DGKI: variants seen among roughly 807,000 people sequenced by gnomAD.
DGKI encodes the protein diacylglycerol kinase iota.
In DGKI, 55 loss-of-function variants were observed where a neutral mutation model predicts 147.5. The observed-to-expected ratio is 0.37, with a 90% CI of 0.30 to 0.47. The LOEUF (loss-of-function observed/expected upper bound fraction) is 0.47, where lower values mean the gene tolerates loss of function less well. Ranked by LOEUF, DGKI falls within the 20% of genes least tolerant of loss-of-function variation. DGKI has a pLI of 1.00. For missense variants in DGKI, 1,007 were observed against 1,323.8 expected (o/e 0.76, Z 3.71); for synonymous variants, 469 against 477.1 (o/e 0.98, Z 0.22).
At chr7:137,763,096 T>C (rs1439332086) in intron 1 of DGKI, among the ~76,000 whole-genome samples, 1 of 152,198 alleles carries the variant, frequency 6.6e-6, no homozygotes. Flanking sequence ...AGAGTCCACA[T>C]GAGAATTCTC....
At chr7:137,500,942 T>C (rs1816149011) in intron 21 of DGKI, among the ~76,000 whole-genome samples, 1 of 152,152 alleles carries the variant, frequency 6.6e-6, no homozygotes, top group Admixed American at 6.6e-5. Context: ...CTATCACCTG[T>C]GCTATAGAAC....
intron 21 of DGKI, among the ~76,000 whole-genome samples, chr7:137,505,304 T>C (rs1224534897): frequency 1.3e-5 from 2 of 152,266 alleles, no homozygotes; most frequent in East Asian, 3.9e-4. Flanking sequence ...TCCTACCTCT[T>C]GGAGAGAACG....
At chr7:137,763,779 T>G (rs1795928689) in intron 1 of DGKI, among the ~76,000 whole-genome samples, 1 of 152,252 alleles carries the variant, frequency 6.6e-6, no homozygotes, top group South Asian at 2.1e-4. Context: ...TCCTTACACC[T>G]TCCTCATCCA....
intron 1 of DGKI, among the ~76,000 whole-genome samples, chr7:137,785,601 G>C (rs1796646229): frequency 6.6e-6 from 1 of 151,882 alleles, no homozygotes; most frequent in Admixed American, 6.6e-5. Context: ...AGACAAAGAA[G>C]GAATCCTCCC....
At chr7:137,582,778 G>T (rs1563096999) in intron 14 of DGKI, among the ~76,000 whole-genome samples, 1 of 152,130 alleles carries the variant, frequency 6.6e-6, no homozygotes, top group East Asian at 1.9e-4. Context: ...TTAAGCTTCA[G>T]TTAAATGTTA....
intron 21 of DGKI, among the ~76,000 whole-genome samples, chr7:137,506,019 A>G (rs1171378684): frequency 2.0e-5 from 3 of 152,144 alleles, no homozygotes; most frequent in Admixed American, 6.6e-5. Flanking sequence ...GAAATAGAAA[A>G]CAGCACAGCC....
chr7:137,611,855 A>G lies in DGKI; in HGVS notation c.994-2246T>C, dbSNP rs1820375328. 2.0e-5 allele frequency among the ~76,000 whole-genome samples: 3 copies of G among 152,182 alleles called. No individual in the cohort carries two copies. In the South Asian group the frequency reaches 6.2e-4, roughly 32 times the overall value. On this transcript the variant is annotated intron_variant, in intron 8 of 32. Coordinates refer to ENST00000614521, the MANE Select transcript of DGKI (RefSeq NM_001321708.2). ...TTCCTATAATTCACAGCATTTACTG[A>G]GCCTCTCCTGATTTGGGAAAGGATC... is the stretch of plus-strand genomic sequence containing the variant.
chr7:137,639,989 T>C (rs1054687175), intron 6 of DGKI, among the ~76,000 whole-genome samples: 21 of 151,734 alleles, frequency 1.4e-4, no homozygotes, highest in Admixed American at 1.1e-3. Flanking sequence ...TTTCCTGCCC[T>C]GTTTATTTAT....
Position 137,723,128 on chromosome 7 carries a change from T to TATG in DGKI, c.402-33129_402-33127dup, listed in dbSNP as rs554864511. 4.5e-3 allele frequency among the ~76,000 whole-genome samples: 690 copies of TATG among 152,064 alleles called. 7 individuals carry two copies. The highest frequency in any genetic ancestry group is 0.016 in the African/African-American group (656 of 41,520). ...TAGTAAGTGCTCAGAACCTGTTAGG[T>TATG]ATGATGATGATGATGAAGTACCCTC... On this transcript the variant is annotated intron_variant, in intron 1 of 32. Coordinates refer to ENST00000614521, the MANE Select transcript of DGKI (RefSeq NM_001321708.2).
intron 23 of DGKI, among the ~76,000 whole-genome samples, chr7:137,471,982 T>C (rs920418506): frequency 7.1e-6 from 1 of 139,998 alleles, no homozygotes; most frequent in Non-Finnish European, 1.5e-5. Flanking sequence ...TGTGTATATA[T>C]ACATTATATT....
chr7:137,615,188 G>C (rs1452798636), intron 8 of DGKI, among the ~76,000 whole-genome samples: 1 of 152,056 alleles, frequency 6.6e-6, no homozygotes, highest in African/African-American at 2.4e-5. Flanking sequence ...CATCCTTTGT[G>C]TGTTTCTCCC....
At chr7:137,647,088 G>C (rs1243933818) in intron 5 of DGKI, among the ~76,000 whole-genome samples, 3 of 152,196 alleles carry the variant, frequency 2.0e-5, no homozygotes, top group African/African-American at 7.2e-5. Flanking sequence ...CACAAGCTTA[G>C]ATTGTCCTAA....
At position 137,382,891 on chromosome 7, in the gene DGKI, G is replaced by A. The variant is rs931997836; in HGVS notation, c.*8329C>T. On this transcript the variant is annotated 3_prime_UTR_variant, in exon 33 of 33. Transcript: ENST00000614521. ...AACCTGAAATCTAGGAACTCAAGCTGTATTACAGAATTAAGGGATGATGGG... is the reference window on the plus strand; with the variant it reads ...AACCTGAAATCTAGGAACTCAAGCTATATTACAGAATTAAGGGATGATGGG... 1 of 152,024 alleles carries A rather than the reference G, an allele frequency of 6.6e-6. No individual in the cohort carries two copies. Among genetic ancestry groups the A allele is most frequent in the South Asian group, 2.1e-4 (1 of 4,828 alleles). The allele number at this position is 152,024 out of a possible 1,614,324, so 9.4% of individuals were successfully genotyped here.
At chr7:137,698,111 GATATAT>G (rs148258251) in intron 1 of DGKI, among the ~76,000 whole-genome samples, 16,087 of 149,336 alleles carry the variant, frequency 0.11, 2,390 homozygotes, top group African/African-American at 0.34. Flanking sequence ...TATAACTCCA[GATATAT>G]ATAGATATAG....
intron 30 of DGKI, among the ~76,000 whole-genome samples, chr7:137,398,689 C>T (rs1167619286): frequency 5.3e-5 from 8 of 152,068 alleles, no homozygotes; most frequent in Non-Finnish European, 1.5e-5. Context: ...TTCTCCTGGT[C>T]ATCCAAATCA....
intron 1 of DGKI, among the ~76,000 whole-genome samples, chr7:137,810,229 C>T (rs886387536): frequency 2.6e-5 from 4 of 152,156 alleles, no homozygotes; most frequent in African/African-American, 4.8e-5. Flanking sequence ...AGAATCAAAA[C>T]ACTTCTATAA....
chr7:137,593,254 A>C (rs980515111), intron 12 of DGKI, among the ~76,000 whole-genome samples: 4 of 152,188 alleles, frequency 2.6e-5, no homozygotes, highest in African/African-American at 7.2e-5. Flanking sequence ...TGGGTCACAC[A>C]CCTTAAGGAA....
chr7:137,746,739 C>G (rs1485917243), intron 1 of DGKI, among the ~76,000 whole-genome samples: 1 of 105,464 alleles, frequency 9.5e-6, no homozygotes, highest in Admixed American at 9.5e-5. Context: ...GTTGTGAGTC[C>G]AAACCCACCT....
chr7:137,638,942 A>C (rs1235037446), intron 6 of DGKI, among the ~76,000 whole-genome samples: 1 of 152,010 alleles, frequency 6.6e-6, no homozygotes, highest in Non-Finnish European at 1.5e-5. Context: ...TCATGAGGAA[A>C]CTAGCTCTCC....
Sources: allele counts gnomAD v4.1 joint callset (sites outside exome capture counted in the v4.1 genomes callset), GRCh38; gene constraint gnomAD v4.1.1; transcripts MANE v1.5; gene names NCBI Gene and HGNC (gene_info 2026-07-23, HGNC 2026-07-21).